Variants in CTNNA2 observed in about 807,000 individuals in gnomAD.
CTNNA2 encodes catenin alpha-2.
In CTNNA2, 42 loss-of-function variants were observed where a neutral mutation model predicts 101.0. The ratio of observed to expected loss-of-function variants is 0.42; its 90% CI spans 0.32 to 0.54. The LOEUF (loss-of-function observed/expected upper bound fraction) is 0.54, where lower values mean the gene tolerates loss of function less well. Ranked by LOEUF, CTNNA2 falls within the 20% of genes least tolerant of loss-of-function variation. The probability of loss-of-function intolerance (pLI) is 0.14; values close to 1 mark genes in which losing one functional copy is unlikely to be tolerated. For missense variants in CTNNA2, 871 were observed against 1,223.1 expected, an observed-to-expected ratio of 0.71 and a Z score of 4.29; for synonymous variants, 450 against 456.4, an observed-to-expected ratio of 0.99 and a Z score of 0.18.
intron 3 of CTNNA2, among the ~76,000 whole-genome samples, 164 bp from the exon 4 acceptor site, chr2:79,857,849 G>A (rs980159685): frequency 6.6e-6 from 1 of 152,208 alleles, no homozygotes; most frequent in African/African-American, 2.4e-5. Context: ...GTGCACTGAT[G>A]TACTTGACTT....
intron 2 of CTNNA2, among the ~76,000 whole-genome samples, chr2:79,267,111 G>C (rs1158798950): frequency 6.6e-6 from 1 of 152,114 alleles, no homozygotes; most frequent in African/African-American, 2.4e-5. Context: ...AGATGTGCTT[G>C]AGAACCTTGA....
chr2:79,953,349 A>G (rs1170984778), intron 7 of CTNNA2, among the ~76,000 whole-genome samples: 2 of 152,216 alleles, frequency 1.3e-5, no homozygotes, highest in Non-Finnish European at 2.9e-5. Context: ...GCACAGTTCC[A>G]GACGAGGGAG....
intron 7 of CTNNA2, among the ~76,000 whole-genome samples, chr2:80,095,399 G>T (rs1700080745): frequency 6.6e-6 from 1 of 152,198 alleles, no homozygotes; most frequent in Non-Finnish European, 1.5e-5. Context: ...GCTGGATTCA[G>T]TTTGCCAGTA....
At chr2:80,224,788 C>T (rs192019675) in intron 7 of CTNNA2, among the ~76,000 whole-genome samples, 1 of 152,218 alleles carries the variant, frequency 6.6e-6, no homozygotes, top group Non-Finnish European at 1.5e-5. Context: ...CCTCTAGTTG[C>T]TAAACTATTA....
At chr2:80,496,220 G>T (rs1047855058) in intron 9 of CTNNA2, among the ~76,000 whole-genome samples, 2 of 152,076 alleles carry the variant, frequency 1.3e-5, no homozygotes, top group Non-Finnish European at 2.9e-5. Context: ...CACCTAGTGC[G>T]TGGTACTTTG....
intron 7 of CTNNA2, among the ~76,000 whole-genome samples, chr2:80,028,647 G>T (rs1388212283): frequency 6.6e-6 from 1 of 152,178 alleles, no homozygotes; most frequent in Non-Finnish European, 1.5e-5. Flanking sequence ...TCACTAATCA[G>T]CTGACCTTAA....
At chr2:80,154,964 A>G (rs750279129) in intron 7 of CTNNA2, among the ~76,000 whole-genome samples, 10 of 152,222 alleles carry the variant, frequency 6.6e-5, no homozygotes, top group Non-Finnish European at 1.3e-4. Context: ...TATATAGCCA[A>G]TACATGTTGA....
At chr2:79,765,124 A>G (rs1040457982) in intron 3 of CTNNA2, among the ~76,000 whole-genome samples, 6 of 152,214 alleles carry the variant, frequency 3.9e-5, no homozygotes, top group African/African-American at 1.4e-4. Flanking sequence ...TTTCAAAACA[A>G]TGTGCACAAT....
chr2:80,485,331 C>T (rs1220799195), intron 9 of CTNNA2, among the ~76,000 whole-genome samples: 1 of 152,180 alleles, frequency 6.6e-6, no homozygotes, highest in Non-Finnish European at 1.5e-5. Flanking sequence ...TTTACTCTTA[C>T]ATTGACTATT....
Position 79,392,903 on chromosome 2 carries a change from C to T in CTNNA2, c.-135+18890C>T, listed in dbSNP as rs530235830. ...AATAGCTTTTAGTTAAATGGCATTT[C>T]GTGGAATCTCCAGTTAGCTGAAATT... On this transcript the variant is annotated intron_variant, in intron 4 of 21. Coordinates refer to the CTNNA2 transcript ENST00000466387. Among the ~76,000 whole-genome samples, 19 of 152,246 alleles carry T rather than the reference C, an allele frequency of 1.2e-4. No homozygotes were observed. The South Asian group carries it at 2.5e-3, about 20-fold the overall frequency.
chr2:79,701,937 G>C (rs1051583215), intron 2 of CTNNA2, among the ~76,000 whole-genome samples: 3 of 150,306 alleles, frequency 2.0e-5, no homozygotes, highest in African/African-American at 7.4e-5. Context: ...GGGAGATGGG[G>C]GTTACAGTGA....
chr2:79,677,538 A>C (rs1042743871), intron 2 of CTNNA2, among the ~76,000 whole-genome samples: 1 of 152,214 alleles, frequency 6.6e-6, no homozygotes, highest in East Asian at 1.9e-4. Flanking sequence ...ACATGGTTAC[A>C]TGACAGCCCA....
At chr2:79,708,640 G>T (rs1454834959) in intron 2 of CTNNA2, among the ~76,000 whole-genome samples, 2 of 151,800 alleles carry the variant, frequency 1.3e-5, no homozygotes, top group Non-Finnish European at 2.9e-5. Context: ...TATTTAACTT[G>T]CAATTCATAT....
chr2:79,750,459 C>T (rs1671946556), intron 3 of CTNNA2, among the ~76,000 whole-genome samples: 1 of 152,182 alleles, frequency 6.6e-6, no homozygotes, highest in Admixed American at 6.5e-5. Flanking sequence ...GCTTATCAGC[C>T]CTGCTTAGAT....
intron 6 of CTNNA2, among the ~76,000 whole-genome samples, chr2:79,889,762 A>G (rs1337559593): frequency 6.6e-6 from 1 of 152,200 alleles, no homozygotes; most frequent in Non-Finnish European, 1.5e-5. Flanking sequence ...CTGTGAAGCT[A>G]TTCCCTAGAA....
At chr2:80,013,320 A>G (rs1417508621) in intron 7 of CTNNA2, among the ~76,000 whole-genome samples, 1 of 152,162 alleles carries the variant, frequency 6.6e-6, no homozygotes, top group Admixed American at 6.5e-5. Flanking sequence ...AGAACTAACC[A>G]TTACATTTAT....
At chr2:79,948,141 G>A (rs1404998238) in intron 7 of CTNNA2, among the ~76,000 whole-genome samples, 1 of 152,186 alleles carries the variant, frequency 6.6e-6, no homozygotes. Context: ...TATTTCCATA[G>A]CCATTAAGGA....
intron 7 of CTNNA2, among the ~76,000 whole-genome samples, chr2:80,294,366 A>T (rs922274277): frequency 6.6e-6 from 1 of 152,194 alleles, no homozygotes; most frequent in Non-Finnish European, 1.5e-5. Context: ...TTCTTCTATC[A>T]GTGCCACCAG....
chr2:80,464,001 C>T (rs566975140), intron 9 of CTNNA2, among the ~76,000 whole-genome samples: 1 of 152,270 alleles, frequency 6.6e-6, no homozygotes, highest in East Asian at 1.9e-4. Flanking sequence ...ATCTCCCCTT[C>T]ATGATTCTGT....
Sources: allele counts gnomAD v4.1 joint callset (sites outside exome capture counted in the v4.1 genomes callset), GRCh38; gene constraint gnomAD v4.1.1; transcripts MANE v1.5; gene names NCBI Gene and HGNC (gene_info 2026-07-23, HGNC 2026-07-21).